GPR107: variants seen among roughly 807,000 people sequenced by gnomAD.
GPR107 encodes the protein G protein-coupled receptor 107.
A neutral mutation model predicts 75.5 loss-of-function variants in GPR107; 31 were observed. That is an observed-to-expected ratio of 0.41 (90% CI 0.31 to 0.55). The LOEUF (loss-of-function observed/expected upper bound fraction) is 0.55, where lower values mean the gene tolerates loss of function less well. Among genes scored for constraint, GPR107 ranks in the 20% least tolerant of loss-of-function variants. The probability of loss-of-function intolerance (pLI) is 0.26; values close to 1 mark genes in which losing one functional copy is unlikely to be tolerated. For synonymous variants in GPR107, 267 were observed against 251.3 expected (o/e 1.06, Z -0.59); for missense variants, 572 against 665.7 (o/e 0.86, Z 1.55).
intron 14 of GPR107, among the ~76,000 whole-genome samples, chr9:130,117,669 C>T (rs1564681635): frequency 6.6e-6 from 1 of 152,210 alleles, no homozygotes; most frequent in African/African-American, 2.4e-5. Flanking sequence ...GCCAGCCAGG[C>T]TGTCCATCGT....
At position 130,100,733 on chromosome 9, in the gene GPR107, A is replaced by G. The variant is rs757176383; in HGVS notation, c.1013+31A>G. ...TATGCAGGTCCATGTGAAATACACC[A>G]TGAAATGACATACAAGACAAGGGGG... On this transcript the variant is annotated intron_variant, in intron 11 of 17. Coordinates refer to ENST00000347136, the MANE Select transcript of GPR107 (RefSeq NM_020960.5). 1.2e-5 allele frequency: 17 copies of G among 1,474,576 alleles called. No homozygotes were observed. In the Admixed American group the frequency reaches 1.3e-4, roughly 12 times the overall value. The allele number at this position is 1,474,576 out of a possible 1,614,324, so 91.3% of individuals were successfully genotyped here.
At chr9:130,079,561 A>C in intron 4 of GPR107, 69 bp from the exon 5 acceptor site, 2 of 1,323,250 alleles carry the variant, frequency 1.5e-6, no homozygotes, top group South Asian at 1.3e-5. Flanking sequence ...CACAGGGCCT[A>C]CACGCAGCGT....
At chr9:130,096,821 A>G (rs956097115) in intron 9 of GPR107, among the ~76,000 whole-genome samples, 1 of 152,182 alleles carries the variant, frequency 6.6e-6, no homozygotes, top group Non-Finnish European at 1.5e-5. Context: ...CATTTATTTT[A>G]AGTTTACATA....
chr9:130,071,472 C>G (rs1830209714), intron 1 of GPR107, among the ~76,000 whole-genome samples: 1 of 151,940 alleles, frequency 6.6e-6, no homozygotes, highest in Non-Finnish European at 1.5e-5. Context: ...GCTTTATTAG[C>G]TATAGTCTGC....
chr9:130,083,626 G>C, intron 6 of GPR107, 24 bp downstream of exon 6: 1 of 1,472,164 alleles, frequency 6.8e-7, no homozygotes, highest in African/African-American at 1.5e-5. Context: ...ACCCTTTTGT[G>C]CTCAGCTTTT....
intron 7 of GPR107, among the ~76,000 whole-genome samples, chr9:130,087,390 G>A (rs1830639178): frequency 6.6e-6 from 1 of 152,084 alleles, no homozygotes; most frequent in Non-Finnish European, 1.5e-5. Context: ...AAAAATGGCA[G>A]GGCGTGGTGG....
chr9:130,118,155 G>A (rs1831469867), intron 14 of GPR107, among the ~76,000 whole-genome samples: 1 of 152,184 alleles, frequency 6.6e-6, no homozygotes, highest in Non-Finnish European at 1.5e-5. Flanking sequence ...CCAGGCCTGA[G>A]TGTGTCAGGC....
intron 7 of GPR107, among the ~76,000 whole-genome samples, chr9:130,088,899 G>A (rs551738338): frequency 6.0e-4 from 92 of 152,200 alleles, no homozygotes; most frequent in African/African-American, 2.0e-3. Flanking sequence ...GCCAGGCATG[G>A]TGGCTCACAC....
intron 13 of GPR107, among the ~76,000 whole-genome samples, 196 bp from the exon 14 acceptor site, chr9:130,107,300 G>T (rs1245581361): frequency 6.6e-6 from 1 of 152,152 alleles, no homozygotes; most frequent in Admixed American, 6.5e-5. Flanking sequence ...GGCCAGCAGA[G>T]GGCGACTTTA....
chr9:130,081,651 G>A (rs1194584275), intron 5 of GPR107, among the ~76,000 whole-genome samples: 17 of 146,340 alleles, frequency 1.2e-4, no homozygotes, highest in Non-Finnish European at 1.9e-4. Flanking sequence ...CCAGCCTGGC[G>A]ACAGAGTGAG....
At chr9:130,070,013 A>ATTTTTTTTTT (rs1830166620) in intron 1 of GPR107, among the ~76,000 whole-genome samples, 2 of 16,286 alleles carry the variant, frequency 1.2e-4, no homozygotes, top group African/African-American at 2.7e-4. Context: ...TTTTTTTTTA[A>ATTTTTTTTTT]ATTTTTTTGA....
chr9:130,089,900 T>C (rs75002263), intron 7 of GPR107, among the ~76,000 whole-genome samples: 5,010 of 152,230 alleles, frequency 0.033, 281 homozygotes, highest in African/African-American at 0.11. Flanking sequence ...AGGTACAGTA[T>C]ACATGCAGAA....
At position 130,100,105 on chromosome 9, in the gene GPR107, C is replaced by T. The variant is rs530556352; in HGVS notation, c.940-524C>T. 5.3e-5 allele frequency among the ~76,000 whole-genome samples: 8 copies of T among 152,034 alleles called. No homozygotes were observed. The East Asian group carries it at 1.4e-3, about 26-fold the overall frequency. On this transcript the variant is annotated intron_variant, in intron 10 of 17. Coordinates refer to ENST00000347136, the MANE Select transcript of GPR107 (RefSeq NM_020960.5). ...AGAGACGGGGTTTCACCGTGTTAGC[C>T]AGGATGGTCTCGATCTCCTGACCTC...
chr9:130,089,500 GA>G (rs1170064384), intron 7 of GPR107, among the ~76,000 whole-genome samples: 1 of 152,164 alleles, frequency 6.6e-6, no homozygotes, highest in African/African-American at 2.4e-5. Flanking sequence ...ATGGCGTGGG[GA>G]TAGTGGTTTA....
At chr9:130,068,865 A>G (rs1183434461) in intron 1 of GPR107, among the ~76,000 whole-genome samples, 1 of 151,092 alleles carries the variant, frequency 6.6e-6, no homozygotes, top group Non-Finnish European at 1.5e-5. Flanking sequence ...CAGCCTTCTG[A>G]GTAGCTGGGA....
rs1286945757 is a variant in GPR107 at position 130,137,986 on chromosome 9, T to C, written c.*2865T>C. On this transcript the variant is annotated 3_prime_UTR_variant, in exon 18 of 18. Coordinates refer to ENST00000347136, the MANE Select transcript of GPR107 (RefSeq NM_020960.5). ...TGAAAGCGCTGCTGGCTGTGAAATT[T>C]AATAAAGTGTGTATGCTTTGCTAGA... 6.6e-6 allele frequency: 1 copy of C among 152,248 alleles called. No individual in the cohort carries two copies. The highest frequency in any genetic ancestry group is 1.5e-5 in the Non-Finnish European group (1 of 68,048). 9.4% of individuals were successfully genotyped at this position (152,248 alleles called of 1,614,324 possible).
chr9:130,060,917 G>A (rs1589478407), intron 1 of GPR107, among the ~76,000 whole-genome samples: 3 of 152,176 alleles, frequency 2.0e-5, no homozygotes, highest in South Asian at 4.1e-4. Context: ...AGCCTTCCTC[G>A]CTGATGGGAT....
chr9:130,062,274 G>C (rs1286957632), intron 1 of GPR107, among the ~76,000 whole-genome samples: 1 of 150,800 alleles, frequency 6.6e-6, no homozygotes, highest in East Asian at 2.0e-4. Flanking sequence ...ATTAGCCGGC[G>C]TGGTGGCGCA....
intron 5 of GPR107, among the ~76,000 whole-genome samples, chr9:130,082,342 C>T (rs981599871): frequency 1.3e-5 from 2 of 152,218 alleles, no homozygotes; most frequent in Non-Finnish European, 2.9e-5. Context: ...AATGCCTGTG[C>T]ACCATCTGCT....
Sources: allele counts gnomAD v4.1 joint callset (sites outside exome capture counted in the v4.1 genomes callset), GRCh38; gene constraint gnomAD v4.1.1; transcripts MANE v1.5; gene names NCBI Gene and HGNC (gene_info 2026-07-23, HGNC 2026-07-21).